Variants in TTC28 observed in about 807,000 individuals in gnomAD.
TTC28 encodes the protein tetratricopeptide repeat domain 28.
A neutral mutation model predicts 198.0 loss-of-function variants in TTC28; 61 were observed. That is an observed-to-expected ratio of 0.31 (90% CI 0.25 to 0.38). The LOEUF is 0.38. Ranked by LOEUF, TTC28 falls within the 10% of genes least tolerant of loss-of-function variation. TTC28 has a pLI of 1.00. For missense variants in TTC28, 2,678 were observed against 3,164.0 expected, an observed-to-expected ratio of 0.85 and a Z score of 3.69; for synonymous variants, 1,171 against 1,297.8, an observed-to-expected ratio of 0.90 and a Z score of 2.10.
chr22:28,489,182 G>A (rs576028586), intron 2 of TTC28, among the ~76,000 whole-genome samples: 1 of 152,126 alleles, frequency 6.6e-6, no homozygotes, highest in Admixed American at 6.5e-5. Context: ...TACTCATGAG[G>A]CTGAGGCAAG....
At chr22:28,087,888 A>G (rs1455099139) in intron 12 of TTC28, among the ~76,000 whole-genome samples, 1 of 152,224 alleles carries the variant, frequency 6.6e-6, no homozygotes, top group Non-Finnish European at 1.5e-5. Flanking sequence ...AGAGAGCCAA[A>G]TCATGAGTGA....
intron 2 of TTC28, among the ~76,000 whole-genome samples, chr22:28,367,868 A>G (rs2046273068): frequency 1.3e-5 from 2 of 152,156 alleles, no homozygotes; most frequent in African/African-American, 4.8e-5. Context: ...GCCACTGAAG[A>G]AATTCAAAAC....
intron 2 of TTC28, among the ~76,000 whole-genome samples, chr22:28,602,831 A>G (rs1377449840): frequency 6.6e-6 from 1 of 152,238 alleles, no homozygotes; most frequent in Non-Finnish European, 1.5e-5. Flanking sequence ...AATAGAATAC[A>G]TTGCAAAAAT....
chr22:28,414,886 A>G (rs912532078), intron 2 of TTC28, among the ~76,000 whole-genome samples: 1 of 152,234 alleles, frequency 6.6e-6, no homozygotes, highest in Non-Finnish European at 1.5e-5. Flanking sequence ...AGCAATAATC[A>G]GTGCAATATT....
At chr22:28,410,050 T>C (rs2047058779) in intron 2 of TTC28, among the ~76,000 whole-genome samples, 1 of 152,018 alleles carries the variant, frequency 6.6e-6, no homozygotes, top group South Asian at 2.1e-4. Flanking sequence ...GCCTGCTGAG[T>C]AGCTGGGACT....
chr22:28,016,493 C>T lies in TTC28; in HGVS notation c.4074-2101G>A, dbSNP rs1252153478. Among the ~76,000 whole-genome samples, 6 of 152,208 alleles carry T rather than the reference C, an allele frequency of 3.9e-5. No individual in the cohort carries two copies. The East Asian group carries it at 1.2e-3, about 29-fold the overall frequency. On this transcript the variant is annotated intron_variant, in intron 13 of 22. Coordinates refer to ENST00000397906, the MANE Select transcript of TTC28 (RefSeq NM_001145418.2). ...GACAGCAGATGGGCAGCAGCAGGAGCACTAGGTGCCCTCTTCCTATGTACC... is the reference window on the plus strand; with the variant it reads ...GACAGCAGATGGGCAGCAGCAGGAGTACTAGGTGCCCTCTTCCTATGTACC...
Position 28,001,411 on chromosome 22 carries a change from G to C in TTC28, c.4361C>G (p.Ala1454Gly). The part of the protein sequence containing the change: ...EYLYERFGLL[A>G]VPSIRSLSVQ... ...GCTGAGGGAGCGGATGGAAGGGACA[G>C]CAAGGAGGCCGAAGCGCTCGTAGAG... Residue 1454 changes from alanine (A) to glycine (G), a missense_variant, in exon 15 of 23, where the codon GCT (alanine) becomes GGT (glycine). Coordinates refer to ENST00000397906, the MANE Select transcript of TTC28 (RefSeq NM_001145418.2). 1 of 1,551,442 alleles carries C rather than the reference G, an allele frequency of 6.4e-7. No homozygotes were observed. The highest frequency in any genetic ancestry group is 1.2e-5 in the South Asian group (1 of 84,058).
chr22:28,251,760 A>T (rs1198497585), intron 5 of TTC28, among the ~76,000 whole-genome samples: 4 of 152,246 alleles, frequency 2.6e-5, no homozygotes, highest in Non-Finnish European at 5.9e-5. Context: ...TTGAAACATT[A>T]AAAGGGCTAT....
chr22:28,413,657 G>A (rs1215758982), intron 2 of TTC28, among the ~76,000 whole-genome samples: 1 of 152,020 alleles, frequency 6.6e-6, no homozygotes, highest in Non-Finnish European at 1.5e-5. Context: ...CAGGAGAAAT[G>A]CCTTACATTT....
intron 2 of TTC28, among the ~76,000 whole-genome samples, chr22:28,390,149 T>A (rs184698154): frequency 2.0e-5 from 3 of 152,306 alleles, no homozygotes; most frequent in East Asian, 1.9e-4. Flanking sequence ...GTAGTTGAGC[T>A]GTTTTGAGTG....
intron 1 of TTC28, among the ~76,000 whole-genome samples, chr22:28,652,101 A>G (rs1047204083): frequency 2.0e-5 from 3 of 152,136 alleles, no homozygotes; most frequent in African/African-American, 7.2e-5. Flanking sequence ...TGGCCTCCCA[A>G]AGTGCTGGGA....
chr22:28,408,091 C>G (rs1039119259), intron 2 of TTC28, among the ~76,000 whole-genome samples: 1 of 151,888 alleles, frequency 6.6e-6, no homozygotes, highest in African/African-American at 2.4e-5. Context: ...TTTATAAACA[C>G]ATTTTTATAG....
chr22:27,994,332 C>CA (rs1419041849), intron 17 of TTC28: 1 of 152,340 alleles, frequency 6.6e-6, no homozygotes, highest in Non-Finnish European at 1.5e-5. Context: ...CAGCTTTCAT[C>CA]AGGCCTCCCT....
At chr22:28,551,677 T>A (rs2049674142) in intron 2 of TTC28, among the ~76,000 whole-genome samples, 1 of 152,128 alleles carries the variant, frequency 6.6e-6, no homozygotes, top group East Asian at 1.9e-4. Flanking sequence ...AAATCCAGCA[T>A]CTCTTTATGA....
chr22:27,994,942 C>G (rs1937525729), intron 17 of TTC28, among the ~76,000 whole-genome samples: 1 of 152,138 alleles, frequency 6.6e-6, no homozygotes, highest in Non-Finnish European at 1.5e-5. Flanking sequence ...GAGAGGGCCT[C>G]CCAGCACCCT....
intron 5 of TTC28, among the ~76,000 whole-genome samples, chr22:28,229,707 T>C (rs1928654146): frequency 6.6e-6 from 1 of 152,086 alleles, no homozygotes; most frequent in South Asian, 2.1e-4. Flanking sequence ...TCTACAAGCA[T>C]ACGAATCAGG....
intron 5 of TTC28, among the ~76,000 whole-genome samples, chr22:28,276,167 A>C (rs545101052): frequency 6.6e-6 from 1 of 151,832 alleles, no homozygotes; most frequent in South Asian, 2.1e-4. Context: ...ATGCACCACG[A>C]CGCCTGGCTA....
intron 8 of TTC28, among the ~76,000 whole-genome samples, chr22:28,105,072 T>C (rs975690151): frequency 2.0e-5 from 3 of 152,142 alleles, no homozygotes; most frequent in Non-Finnish European, 2.9e-5. Flanking sequence ...CAAGGTGCTA[T>C]GGACAATGAA....
chr22:28,541,716 T>C (rs772714863), intron 2 of TTC28, among the ~76,000 whole-genome samples: 8 of 151,636 alleles, frequency 5.3e-5, no homozygotes, highest in Middle Eastern at 3.2e-3. Flanking sequence ...TAAATATATA[T>C]ATATATAGAA....
Sources: allele counts gnomAD v4.1 joint callset (sites outside exome capture counted in the v4.1 genomes callset), GRCh38; gene constraint gnomAD v4.1.1; transcripts MANE v1.5; gene names NCBI Gene and HGNC (gene_info 2026-07-23, HGNC 2026-07-21).